LINGO2: variants seen among roughly 807,000 people sequenced by gnomAD.
LINGO2 encodes leucine rich repeat and Ig domain containing 2.
In LINGO2, 14 loss-of-function variants were observed where a neutral mutation model predicts 30.6. That is an observed-to-expected ratio of 0.46 (90% CI 0.30 to 0.72). The LOEUF is 0.72. LINGO2 is among the 30% of genes least tolerant of loss of function. The pLI is 0.07. For synonymous variants in LINGO2, 317 were observed against 288.5 expected, an observed-to-expected ratio of 1.10 and a Z score of -1.00; for missense variants, 729 against 751.7, an observed-to-expected ratio of 0.97 and a Z score of 0.35.
chr9:28,156,424 C>T (rs533033380), intron 4 of LINGO2, among the ~76,000 whole-genome samples: 2 of 152,326 alleles, frequency 1.3e-5, no homozygotes, highest in African/African-American at 4.8e-5. Context: ...AGTATTGACT[C>T]TCATTCTATC....
chr9:28,788,942 C>T, the LINGO2 span, among the ~76,000 whole-genome samples: 5 of 152,056 alleles, frequency 3.3e-5, no homozygotes, highest in Non-Finnish European at 7.4e-5. Context: ...GAAAGAAATG[C>T]TTTTTAGGGT....
At chr9:28,693,717 C>G in the LINGO2 span, among the ~76,000 whole-genome samples, 6 of 151,962 alleles carry the variant, frequency 3.9e-5, no homozygotes, top group African/African-American at 1.5e-4. Context: ...TATCAATAGC[C>G]CTTTTAGAAC....
chr9:28,342,036 A>G (rs1825783583), intron 3 of LINGO2, among the ~76,000 whole-genome samples: 1 of 152,122 alleles, frequency 6.6e-6, no homozygotes, highest in Non-Finnish European at 1.5e-5. Flanking sequence ...AGGAGGGGAA[A>G]ATGTTGCTTA....
At chr9:28,138,451 C>T (rs1196520393) in intron 4 of LINGO2, among the ~76,000 whole-genome samples, 1 of 152,180 alleles carries the variant, frequency 6.6e-6, no homozygotes, top group East Asian at 1.9e-4. Context: ...TTTTGCCCAG[C>T]TCATCAAATG....
chr9:28,863,836 T>C, the LINGO2 span: 1 of 242,216 alleles, frequency 4.1e-6, no homozygotes, highest in Non-Finnish European at 9.2e-6. Flanking sequence ...CCACCCTCTT[T>C]TAGCTGAAAC....
intron 1 of LINGO2, among the ~76,000 whole-genome samples, chr9:28,618,769 A>G (rs1420282268): frequency 6.6e-6 from 1 of 152,172 alleles, no homozygotes. Context: ...AGTTACTAAA[A>G]TAATATAAAC....
At chr9:28,411,564 G>A (rs1022111251) in intron 2 of LINGO2, among the ~76,000 whole-genome samples, 1 of 151,974 alleles carries the variant, frequency 6.6e-6, no homozygotes, top group Non-Finnish European at 1.5e-5. Context: ...AACAACTCTA[G>A]GTACCTCATA....
intron 1 of LINGO2, among the ~76,000 whole-genome samples, chr9:28,620,508 A>G (rs1310928415): frequency 2.0e-5 from 3 of 152,078 alleles, no homozygotes; most frequent in Non-Finnish European, 4.4e-5. Context: ...GTGCAACAAT[A>G]CTTAGTTCCT....
the LINGO2 span, among the ~76,000 whole-genome samples, chr9:29,178,127 C>T: frequency 1.3e-5 from 2 of 151,756 alleles, no homozygotes; most frequent in Non-Finnish European, 1.5e-5. Flanking sequence ...GTGATCTTGG[C>T]TCACTGGAAC....
intron 2 of LINGO2, among the ~76,000 whole-genome samples, chr9:28,410,917 GAAA>G: frequency 6.6e-6 from 1 of 151,832 alleles, no homozygotes; most frequent in African/African-American, 2.4e-5. Flanking sequence ...GTTAGTTGAT[GAAA>G]AAAAAGGTCT....
At chr9:28,634,415 G>A (rs1421628588) in intron 1 of LINGO2, among the ~76,000 whole-genome samples, 3 of 150,180 alleles carry the variant, frequency 2.0e-5, no homozygotes, top group South Asian at 2.1e-4. Flanking sequence ...CTTCCTTTAC[G>A]AAACAGAATC....
chr9:28,426,478 G>T (rs1307281910), intron 2 of LINGO2, among the ~76,000 whole-genome samples: 2 of 152,052 alleles, frequency 1.3e-5, no homozygotes, highest in Non-Finnish European at 2.9e-5. Context: ...AGGATGAAAT[G>T]AATTTTGCAT....
chr9:28,945,464 T>C, the LINGO2 span, among the ~76,000 whole-genome samples: 3 of 152,312 alleles, frequency 2.0e-5, no homozygotes, highest in East Asian at 5.8e-4. Context: ...AACTCTTGTC[T>C]CATTCTTACC....
chr9:29,129,378 AT>A, the LINGO2 span, among the ~76,000 whole-genome samples: 14 of 152,052 alleles, frequency 9.2e-5, no homozygotes. Context: ...TTTAAAATAA[AT>A]TTTTTTGTAA....
the LINGO2 span, among the ~76,000 whole-genome samples, chr9:29,060,255 A>T: frequency 2.0e-5 from 3 of 151,980 alleles, no homozygotes; most frequent in African/African-American, 7.2e-5. Context: ...TACAGACCAG[A>T]GAATATGGTG....
chr9:28,960,211 T>G, the LINGO2 span, among the ~76,000 whole-genome samples: 2 of 152,128 alleles, frequency 1.3e-5, no homozygotes, highest in African/African-American at 4.8e-5. Flanking sequence ...CTTCCCTCTC[T>G]AAGAAAAGAT....
intron 5 of LINGO2, among the ~76,000 whole-genome samples, chr9:27,984,320 T>C (rs1470578047): frequency 1.3e-5 from 2 of 151,884 alleles, no homozygotes; most frequent in Non-Finnish European, 2.9e-5. Context: ...ACCTTCCCAA[T>C]GCATCTCATA....
At chr9:28,132,321 C>G (rs1161413371) in intron 4 of LINGO2, among the ~76,000 whole-genome samples, 1 of 151,686 alleles carries the variant, frequency 6.6e-6, no homozygotes, top group African/African-American at 2.4e-5. Context: ...TGAGTTATAC[C>G]CATGTGTAGA....
At chr9:28,301,886 G>C (rs1168533647) in intron 3 of LINGO2, among the ~76,000 whole-genome samples, 1 of 152,068 alleles carries the variant, frequency 6.6e-6, no homozygotes, top group Non-Finnish European at 1.5e-5. Flanking sequence ...CCTCTCAGCT[G>C]AAATCCTACA....
Sources: allele counts gnomAD v4.1 joint callset (sites outside exome capture counted in the v4.1 genomes callset), GRCh38; gene constraint gnomAD v4.1.1; transcripts MANE v1.5; gene names NCBI Gene and HGNC (gene_info 2026-07-23, HGNC 2026-07-21).